LAMA5: variants seen among roughly 807,000 people sequenced by gnomAD.
LAMA5 encodes laminin subunit alpha 5.
In LAMA5, 260 loss-of-function variants were observed where a neutral mutation model predicts 433.4. That is an observed-to-expected ratio of 0.60 (90% CI 0.54 to 0.66). The LOEUF (loss-of-function observed/expected upper bound fraction) is 0.66, where lower values mean the gene tolerates loss of function less well. LAMA5 is among the 30% of genes least tolerant of loss of function. The pLI is 0.00. For synonymous variants in LAMA5, 2,620 were observed against 2,226.6 expected (o/e 1.18, Z -4.97); for missense variants, 5,378 against 5,258.5 (o/e 1.02, Z -0.70).
intron 46 of LAMA5, 83 bp downstream of exon 46, chr20:62,322,575 G>T (rs1978458663): frequency 1.4e-6 from 2 of 1,414,496 alleles, no homozygotes; most frequent in African/African-American, 1.4e-5. Flanking sequence ...CTGCCCCTCA[G>T]CCCCACCTAT....
chr20:62,331,664 G>A (rs1237312056), intron 28 of LAMA5, among the ~76,000 whole-genome samples: 9 of 152,210 alleles, frequency 5.9e-5, no homozygotes, highest in East Asian at 1.9e-4. Flanking sequence ...CTTTCCGTGC[G>A]GCCATGTGAG....
intron 79 of LAMA5, 22 bp from the exon 80 acceptor site, chr20:62,309,497 A>G: frequency 1.3e-6 from 2 of 1,559,398 alleles, no homozygotes; most frequent in Middle Eastern, 2.3e-4. Flanking sequence ...GGGAAGATGG[A>G]AGAAGGCTGG....
At position 62,359,804 on chromosome 20, in the gene LAMA5, A is replaced by G. The variant is rs1281338237; in HGVS notation, c.450+2596T>C. ...CTTCTGGGTGGACACCACAGGGACT[A>G]GTCTCCCCTCCCCTGCGCCAGCCCC... is the stretch of plus-strand genomic sequence containing the variant. On this transcript the variant is annotated intron_variant, in intron 2 of 79. Transcript: ENST00000252999. This position sits in a 1 kb window ranked among gnomAD's most constrained non-coding sequence, Gnocchi z 4.3. 6.6e-6 allele frequency among the ~76,000 whole-genome samples: 1 copy of G among 151,918 alleles called. No homozygotes were observed. Among genetic ancestry groups the G allele is most frequent in the Non-Finnish European group, 1.5e-5 (1 of 67,940 alleles).
chr20:62,328,356 G>C lies in LAMA5; in HGVS notation c.4537C>G (p.Gln1513Glu). Reference sequence around the variant, plus strand: ...GGGTGGCAGCCAAAGGTCTGGGGCTGGCACAGCAGGCAGTCGGGCGGGATG... The same window carrying C: ...GGGTGGCAGCCAAAGGTCTGGGGCTCGCACAGCAGGCAGTCGGGCGGGATG... Reference protein sequence around the residue: ...RTIPPDCLLCQPQTFGCHPLV... With the variant: ...RTIPPDCLLCEPQTFGCHPLV... The change falls in exon 35 of 80, where the codon CAG becomes GAG. Residue 1513 changes from glutamine to glutamate, a missense_variant. Physicochemically the swap from Gln to Glu is conservative, Grantham distance 29. Transcript: ENST00000252999. The C allele has an allele frequency of 6.3e-7, 1 of 1,591,884 alleles. No homozygotes were observed. Among genetic ancestry groups the C allele is most frequent in the Non-Finnish European group, 8.6e-7 (1 of 1,169,440 alleles).
chr20:62,322,395 G>T lies in LAMA5; in HGVS notation c.6220C>A (p.Pro2074Thr), dbSNP rs371136073. The change falls in exon 47 of 80, where the codon CCG becomes ACG. Residue 2074 changes from proline (P) to threonine (T), a missense_variant. Physicochemically the swap from Pro to Thr is conservative, Grantham distance 38. Coordinates refer to ENST00000252999, the MANE Select transcript of LAMA5 (RefSeq NM_005560.6). The part of the protein sequence containing the change: ...CGGCRPCACG[P>T]AAEGSECHPQ... ...TGGCACTCGGAGCCCTCGGCGGCCG[G>T]TCCACAAGCACACGGGCGGCAGCCC... The T allele has an allele frequency of 6.7e-5, 106 of 1,593,766 alleles. No homozygotes were observed. The highest frequency in any genetic ancestry group is 8.8e-5 in the Non-Finnish European group (103 of 1,171,520).
At chr20:62,347,101 AG>A (rs35992932) in intron 6 of LAMA5, 73 bp from the exon 7 acceptor site, 3 of 1,178,592 alleles carry the variant, frequency 2.5e-6, no homozygotes, top group Non-Finnish European at 3.7e-6. Flanking sequence ...CCTTCCCTGA[AG>A]GGGCCTGTGA....
At position 62,347,041 on chromosome 20, in the gene LAMA5, C is replaced by G. The variant is rs770905027; in HGVS notation, c.957-13G>C. 1 of 1,604,902 alleles carries G rather than the reference C, an allele frequency of 6.2e-7. No individual in the cohort carries two copies. Among genetic ancestry groups the G allele is most frequent in the East Asian group, 2.2e-5 (1 of 44,798 alleles). ...GGTGCACTGCAGCCTGTGGGGTACA[C>G]AGGAGGGGGGATCAGGCCCATCCTG... On this transcript the variant is annotated splice_polypyrimidine_tract_variant and intron_variant, in intron 6 of 79. Transcript: ENST00000252999.
chr20:62,335,339 C>A (rs1424891325), intron 18 of LAMA5, 70 bp from the exon 19 acceptor site: 2 of 1,510,224 alleles, frequency 1.3e-6, no homozygotes, highest in Admixed American at 1.8e-5. Context: ...CCCCGAGGAA[C>A]CCCCACACCC....
chr20:62,348,537 GT>G (rs1983713612), intron 6 of LAMA5, among the ~76,000 whole-genome samples: 1 of 152,098 alleles, frequency 6.6e-6, no homozygotes, highest in Non-Finnish European at 1.5e-5. Flanking sequence ...AACCTGGGAG[GT>G]GGAGCTTGCA....
chr20:62,317,692 T>C lies in LAMA5; in HGVS notation c.7326A>G (p.Arg2442=), dbSNP rs576649606. ...TAGCCTGGTCCAGGCTGTGCAGCAATCTGAAGACGCTGGCCAGGGTGTCCC... is the reference window on the plus strand; with the variant it reads ...TAGCCTGGTCCAGGCTGTGCAGCAACCTGAAGACGCTGGCCAGGGTGTCCC... The part of the protein sequence containing the change: ...AARDTLASVF[R]LLHSLDQAKE... Residue 2442 remains arginine, a synonymous_variant, in exon 54 of 80, where the codon AGA becomes AGG. Coordinates refer to ENST00000252999, the MANE Select transcript of LAMA5 (RefSeq NM_005560.6). 1.2e-6 allele frequency: 2 copies of C among 1,600,072 alleles called. No homozygotes were observed. Among genetic ancestry groups the C allele is most frequent in the African/African-American group, 1.3e-5 (1 of 74,502 alleles).
chr20:62,311,427 T>C lies in LAMA5; in HGVS notation c.9916A>G (p.Arg3306Gly). 1 of 1,589,752 alleles carries C rather than the reference T, an allele frequency of 6.3e-7. No individual in the cohort carries two copies. Among genetic ancestry groups the C allele is most frequent in the Non-Finnish European group, 8.6e-7 (1 of 1,168,084 alleles). The change falls in exon 72 of 80, where the codon AGA (arginine) becomes GGA (glycine). Residue 3306 changes from arginine (R) to glycine (G), a missense_variant. Transcript: ENST00000252999. ...TTCCGGGCGGTGGCCTGCAGTCCTC[T>C]AGGCCCCAGGCCCGGGGTCTGGGCT... ...LQAQTPGLGP[R>G]GLQATARKAS...
rs1036503597 is a variant in LAMA5, at chr20:62,319,226, G to C, written c.6872-213C>G. The C allele has an allele frequency of 5.0e-5, 29 of 574,290 alleles. No individual in the cohort carries two copies. The African/African-American group carries it at 5.5e-4, about 11-fold the overall frequency. The allele number at this position is 574,290 out of a possible 1,614,324, so 35.6% of individuals were successfully genotyped here. On this transcript the variant is annotated intron_variant, in intron 51 of 79. Transcript: ENST00000252999. ...CCTCCTGCAGTGCCTCCAACACCCT[G>C]ACACCAGTCTGCTCAGCCAGCTTCT...
At chr20:62,335,402 G>T in intron 18 of LAMA5, 133 bp from the exon 19 acceptor site, 1 of 767,416 alleles carries the variant, frequency 1.3e-6, no homozygotes, top group Non-Finnish European at 2.1e-6. Context: ...AGGAGCCCCT[G>T]CACCCTGACA....
Position 62,314,627 on chromosome 20 carries a change from GTA to G in LAMA5, c.8293_8294del (p.Tyr2765ProfsTer7). Reference sequence around the variant, plus strand: ...CAGGCTCAGGCTCTGGGCCCTGCAGGTAGAACTTGAGGGCAGTGTAGGCAGCA... The same window carrying G: ...CAGGCTCAGGCTCTGGGCCCTGCAGGGAACTTGAGGGCAGTGTAGGCAGCA... ...DLAAYTALKF[Y>X]LQGPEPEPGQ... On this transcript the variant is annotated frameshift_variant, in exon 61 of 80. Coordinates refer to ENST00000252999, the MANE Select transcript of LAMA5 (RefSeq NM_005560.6). LOFTEE classifies it high-confidence loss of function. The G allele has an allele frequency of 1.9e-6, 3 of 1,612,590 alleles. No homozygotes were observed. The highest frequency in any genetic ancestry group is 2.5e-6 in the Non-Finnish European group (3 of 1,179,930).
At chr20:62,320,412 G>T in intron 50 of LAMA5, 147 bp downstream of exon 50, 2 of 608,868 alleles carry the variant, frequency 3.3e-6, no homozygotes, top group Non-Finnish European at 5.8e-6. Context: ...TCAGTGACTT[G>T]GTCAACCCCT....
intron 34 of LAMA5, 84 bp downstream of exon 34, chr20:62,328,760 G>A (rs1979782055): frequency 7.4e-7 from 1 of 1,348,110 alleles, no homozygotes; most frequent in Non-Finnish European, 1.0e-6. Flanking sequence ...ACATTCTCCT[G>A]ACCCTGCTTT....
rs1352476890 is a variant in LAMA5, at chr20:62,324,783, G to C, written c.5530-229C>G. ...AGGACATAGCTCTCAAAGCCACACG[G>C]ATGTCCTGTCTCGGGAATGACCAGG... On this transcript the variant is annotated intron_variant, in intron 41 of 79. Coordinates refer to ENST00000252999, the MANE Select transcript of LAMA5 (RefSeq NM_005560.6). The surrounding 1 kb of genome is among the most constrained non-coding windows in gnomAD (Gnocchi z 4.4). 1.8e-6 allele frequency: 1 copy of C among 548,632 alleles called. No homozygotes were observed. The highest frequency in any genetic ancestry group is 3.3e-6 in the Non-Finnish European group (1 of 303,428). The allele number at this position is 548,632 out of a possible 1,614,324, so 34.0% of individuals were successfully genotyped here.
In LAMA5 at chr20:62,335,110, A is replaced by G. The variant is rs866570528; in HGVS notation, c.2393T>C (p.Phe798Ser). 6.2e-7 allele frequency: 1 copy of G among 1,612,818 alleles called. No individual in the cohort carries two copies. The highest frequency in any genetic ancestry group is 2.2e-5 in the East Asian group (1 of 44,886). The part of the protein sequence containing the change: ...AECQPGTGQC[F>S]CKPHVCGQAC... The stretch of plus-strand genomic sequence containing the variant: ...CTGGCCGCACACGTGGGGCTTGCAG[A>G]AGCACTGGCCGGTGCCCTGGGGGCC... The change falls in exon 20 of 80, where the codon TTC becomes TCC. Residue 798 changes from phenylalanine to serine, a missense_variant. By Grantham distance (155) the Phe-to-Ser change is radical. Transcript: ENST00000252999.
Position 62,323,622 on chromosome 20 carries a change from G to A in LAMA5, c.5898C>T (p.Cys1966=). The change falls in exon 45 of 80, where the codon TGC becomes TGT. Residue 1966 remains cysteine, a synonymous_variant. Transcript: ENST00000252999. ...FGNPLVLGSS[C]QPCDCSGNGD... is the part of the protein sequence containing the mutation. ...CGTTGCCGCTGCAGTCGCATGGCTG[G>A]CAGGAGCTGCCCAGCACCAGTGGGT... 1.2e-6 allele frequency: 2 copies of A among 1,611,432 alleles called. No homozygotes were observed. The highest frequency in any genetic ancestry group is 1.7e-6 in the Non-Finnish European group (2 of 1,179,426).
Sources: allele counts gnomAD v4.1 joint callset (sites outside exome capture counted in the v4.1 genomes callset), GRCh38; gene constraint gnomAD v4.1.1; non-coding constraint Gnocchi (gnomAD v3.1); transcripts MANE v1.5; gene names NCBI Gene and HGNC (gene_info 2026-07-23, HGNC 2026-07-21).